Variants in SRGAP3 observed in about 807,000 individuals in gnomAD.
SRGAP3 encodes the protein SLIT-ROBO Rho GTPase activating protein 3, also known as SLIT-ROBO Rho GTPase-activating protein 3.
Under a neutral mutation model 121.1 loss-of-function variants are expected in SRGAP3, and 39 were observed. The observed-to-expected ratio is 0.32, with a 90% confidence interval of 0.25 to 0.42. SRGAP3 has a LOEUF of 0.42. Ranked by LOEUF, SRGAP3 falls within the 10% of genes least tolerant of loss-of-function variation. The probability of loss-of-function intolerance (pLI) is 1.00; values close to 1 mark genes in which losing one functional copy is unlikely to be tolerated. For synonymous variants in SRGAP3, 601 were observed against 570.0 expected (o/e 1.05, Z -0.77); for missense variants, 1,213 against 1,470.6 (o/e 0.82, Z 2.86).
At chr3:9,356,038 T>G (rs1191359173) in intron 1 of SRGAP3, among the ~76,000 whole-genome samples, 1 of 152,112 alleles carries the variant, frequency 6.6e-6, no homozygotes, top group Non-Finnish European at 1.5e-5. Context: ...AGCTTAAAGA[T>G]CCCACTTCTC....
At chr3:9,119,471 C>T (rs1214937750) in intron 2 of SRGAP3, among the ~76,000 whole-genome samples, 5 of 152,246 alleles carry the variant, frequency 3.3e-5, no homozygotes, top group Non-Finnish European at 7.3e-5. Flanking sequence ...CACTGCTGCA[C>T]GTTGCTCCTT....
intron 1 of SRGAP3, among the ~76,000 whole-genome samples, chr3:9,186,279 T>C (rs1286254778): frequency 2.6e-5 from 4 of 152,182 alleles, no homozygotes; most frequent in African/African-American, 9.7e-5. Flanking sequence ...CCAAAGAGAA[T>C]CTGACGTTCT....
chr3:8,992,709 G>C (rs1455914680), intron 20 of SRGAP3, 197 bp downstream of exon 20: 1 of 799,408 alleles, frequency 1.3e-6, no homozygotes, highest in Non-Finnish European at 2.1e-6. Context: ...CCTCCTCCCT[G>C]CAACACAGGC....
In SRGAP3 at chr3:8,990,819, C is replaced by G. The variant is rs373938230; in HGVS notation, c.2579G>C (p.Gly860Ala). Residue 860 changes from glycine (G) to alanine (A), a missense_variant, in exon 21 of 22, where the codon GGA becomes GCA. By Grantham distance (60) the Gly-to-Ala change is moderately conservative. Coordinates refer to ENST00000383836, the MANE Select transcript of SRGAP3 (RefSeq NM_014850.4). ...VMGRVRLRSDGAAIPRRRSGG... is the reference protein window; with the variant it reads ...VMGRVRLRSDAAAIPRRRSGG... The stretch of plus-strand genomic sequence containing the variant: ...GCTTCGGCGTCTGGGGATGGCTGCT[C>G]CATCAGATCGTAACCGCACTCTGCA... The G allele has an allele frequency of 2.0e-5, 32 of 1,565,142 alleles. No individual in the cohort carries two copies. The highest frequency in any genetic ancestry group is 2.7e-5 in the Non-Finnish European group (31 of 1,159,920).
chr3:9,300,810 G>A (rs1164696706), intron 3 of SRGAP3, among the ~76,000 whole-genome samples: 1 of 152,180 alleles, frequency 6.6e-6, no homozygotes, highest in Non-Finnish European at 1.5e-5. Context: ...CAAATATTGT[G>A]CTCAGCATCA....
chr3:9,050,663 C>T (rs1471788195), intron 9 of SRGAP3, among the ~76,000 whole-genome samples: 2 of 152,208 alleles, frequency 1.3e-5, no homozygotes, highest in East Asian at 1.9e-4. Context: ...ATTCTCCTAA[C>T]TTCGAGTAGG....
chr3:9,030,973 G>A (rs943397748), intron 12 of SRGAP3, among the ~76,000 whole-genome samples: 4 of 151,708 alleles, frequency 2.6e-5, no homozygotes, highest in Admixed American at 6.6e-5. Flanking sequence ...GTTTATTTTT[G>A]AGACAGGATC....
chr3:9,015,480 G>T, intron 15 of SRGAP3, 117 bp downstream of exon 15: 2 of 1,356,612 alleles, frequency 1.5e-6, no homozygotes, highest in East Asian at 2.4e-5. Flanking sequence ...GAGGATGCAC[G>T]TCACACTTCG....
chr3:9,275,738 C>T (rs1331752353), intron 3 of SRGAP3, among the ~76,000 whole-genome samples: 5 of 152,092 alleles, frequency 3.3e-5, no homozygotes, highest in African/African-American at 9.7e-5. Context: ...TGAGGCCTAC[C>T]CCATCACGTG....
At chr3:9,086,070 C>G (rs1363259424) in intron 3 of SRGAP3, among the ~76,000 whole-genome samples, 1 of 152,210 alleles carries the variant, frequency 6.6e-6, no homozygotes, top group African/African-American at 2.4e-5. Context: ...CCTGCCTTCC[C>G]AAGTGGCTGA....
In SRGAP3 at chr3:8,985,540, C is replaced by A; in HGVS notation, c.3279G>T (p.Ala1093=). 1 of 1,598,990 alleles carries A rather than the reference C, an allele frequency of 6.3e-7. No individual in the cohort carries two copies. The highest frequency in any genetic ancestry group is 8.5e-7 in the Non-Finnish European group (1 of 1,179,468). ...CAGGTCACATGGTGCCCGACTTGTC[C>A]GCTGAGCTGTTGGGGAACATCTTCT... ...PTEKMFPNSS[A]DKSGTM The change falls in exon 22 of 22, where the codon GCG becomes GCT. Residue 1093 remains alanine, a synonymous_variant. Coordinates refer to ENST00000383836, the MANE Select transcript of SRGAP3 (RefSeq NM_014850.4). This position sits in a 1 kb window ranked among gnomAD's most constrained non-coding sequence, Gnocchi z 5.1.
intron 14 of SRGAP3, among the ~76,000 whole-genome samples, chr3:9,020,134 C>G (rs1417568490): frequency 6.6e-6 from 1 of 152,186 alleles, no homozygotes; most frequent in Non-Finnish European, 1.5e-5. Flanking sequence ...TGCCCATAAT[C>G]ACAAAGTCAA....
At chr3:9,171,074 G>A (rs1164044776) in intron 1 of SRGAP3, among the ~76,000 whole-genome samples, 1 of 152,214 alleles carries the variant, frequency 6.6e-6, no homozygotes, top group Non-Finnish European at 1.5e-5. Flanking sequence ...TTCAGGGCCT[G>A]GGCCCCACAA....
chr3:9,168,846 A>G (rs563069270), intron 1 of SRGAP3, among the ~76,000 whole-genome samples: 1 of 152,340 alleles, frequency 6.6e-6, no homozygotes, highest in South Asian at 2.1e-4. Context: ...GGCAACATGA[A>G]TATGCATATT....
In SRGAP3 at chr3:9,239,645, C is replaced by T. The variant is rs542539414; in HGVS notation, c.67+9240G>A. On this transcript the variant is annotated intron_variant, in intron 1 of 21. Transcript: ENST00000383836. The surrounding 1 kb of genome is among the most constrained non-coding windows in gnomAD (Gnocchi z 4.0). ...TTACCATCACGCACAGATGGGCACA[C>T]GCAATGCATATTGATTAGGGCTGCA... is the stretch of plus-strand genomic sequence containing the variant. Among the ~76,000 whole-genome samples, 7 of 152,158 alleles carry T rather than the reference C, an allele frequency of 4.6e-5. No homozygotes were observed. Among genetic ancestry groups the T allele is most frequent in the African/African-American group, 7.2e-5 (3 of 41,428 alleles).
chr3:9,205,246 T>A (rs990806924), intron 1 of SRGAP3, among the ~76,000 whole-genome samples: 3 of 152,256 alleles, frequency 2.0e-5, no homozygotes, highest in Non-Finnish European at 4.4e-5. Flanking sequence ...TATATTTTCT[T>A]TAATACAATA....
intron 10 of SRGAP3, among the ~76,000 whole-genome samples, chr3:9,041,749 A>G (rs2664102): frequency 0.51 from 77,808 of 152,064 alleles, 19,955 homozygotes; most frequent in South Asian, 0.66. Context: ...AACCAGTGCC[A>G]TCTAGTAGAA....
At chr3:9,116,053 A>C (rs17050039) in intron 2 of SRGAP3, among the ~76,000 whole-genome samples, 10,376 of 152,268 alleles carry the variant, frequency 0.068, 423 homozygotes, top group African/African-American at 0.083. Context: ...TTCAATATTT[A>C]TGGTTCCTGT....
At chr3:9,087,717 G>A (rs1279754696) in intron 3 of SRGAP3, among the ~76,000 whole-genome samples, 2 of 152,160 alleles carry the variant, frequency 1.3e-5, no homozygotes, top group Admixed American at 6.6e-5. Flanking sequence ...TAGAGTACAG[G>A]CTTCCTTCAG....
Sources: gnomAD v4.1 joint callset for allele counts (sites outside exome capture counted in the v4.1 genomes callset) on GRCh38, gnomAD v4.1.1 for gene constraint, Gnocchi (gnomAD v3.1) non-coding constraint, MANE v1.5 for transcripts, NCBI Gene and HGNC (gene_info 2026-07-23, HGNC 2026-07-21) for gene names.